Variants in MYRIP observed in about 807,000 individuals in gnomAD.
The protein encoded by MYRIP is myosin VIIA and Rab interacting protein.
Under a neutral mutation model 98.0 loss-of-function variants are expected in MYRIP, and 49 were observed. That is an observed-to-expected ratio of 0.50 (90% CI 0.40 to 0.63). MYRIP has a LOEUF of 0.63. Ranked by LOEUF, MYRIP falls within the 30% of genes least tolerant of loss-of-function variation. The probability of loss-of-function intolerance (pLI) is 0.00; values close to 1 mark genes in which losing one functional copy is unlikely to be tolerated. For synonymous variants in MYRIP, 404 were observed against 409.5 expected (o/e 0.99, Z 0.16); for missense variants, 1,004 against 1,058.2 (o/e 0.95, Z 0.71).
chr3:39,883,249 A>C (rs1943200181), intron 1 of MYRIP, among the ~76,000 whole-genome samples: 1 of 152,198 alleles, frequency 6.6e-6, no homozygotes, highest in South Asian at 2.1e-4. Flanking sequence ...GTAAGAGTGA[A>C]CTGGATGTGG....
intron 2 of MYRIP, among the ~76,000 whole-genome samples, chr3:39,965,670 A>G (rs972399410): frequency 5.9e-5 from 9 of 152,076 alleles, no homozygotes; most frequent in African/African-American, 2.2e-4. Context: ...ACCCTCAGGC[A>G]TGAACTTCCA....
chr3:40,187,353 C>T (rs2125625254), intron 9 of MYRIP, among the ~76,000 whole-genome samples: 1 of 152,302 alleles, frequency 6.6e-6, no homozygotes, highest in Non-Finnish European at 1.5e-5. Flanking sequence ...GGGATCAGCC[C>T]TGCATCTGCT....
At chr3:40,009,150 C>G (rs1323310372) in intron 2 of MYRIP, among the ~76,000 whole-genome samples, 2 of 152,048 alleles carry the variant, frequency 1.3e-5, no homozygotes, top group African/African-American at 4.8e-5. Context: ...CTGTATGGGC[C>G]AAATGTGGAG....
intron 2 of MYRIP, among the ~76,000 whole-genome samples, chr3:39,996,205 A>C (rs1325055005): frequency 6.6e-6 from 1 of 152,320 alleles, no homozygotes; most frequent in Admixed American, 6.5e-5. Context: ...ATGTAAATGG[A>C]CTAAATCCTC....
chr3:39,971,511 G>T (rs1945583613), intron 2 of MYRIP, among the ~76,000 whole-genome samples: 1 of 152,066 alleles, frequency 6.6e-6, no homozygotes, highest in African/African-American at 2.4e-5. Flanking sequence ...TAGAAAACCA[G>T]ATGGAAGCAT....
intron 1 of MYRIP, among the ~76,000 whole-genome samples, chr3:39,896,484 T>G (rs894593985): frequency 5.9e-5 from 9 of 152,182 alleles, no homozygotes; most frequent in African/African-American, 2.2e-4. Context: ...ATTATTAGTG[T>G]TGTTGTTTTT....
chr3:40,129,911 A>G (rs1363581856), intron 3 of MYRIP, among the ~76,000 whole-genome samples: 2 of 152,270 alleles, frequency 1.3e-5, no homozygotes, highest in Non-Finnish European at 2.9e-5. Context: ...TCTTCTAATG[A>G]GAATACACAT....
At chr3:39,977,863 C>T (rs1286857127) in intron 2 of MYRIP, among the ~76,000 whole-genome samples, 2 of 152,122 alleles carry the variant, frequency 1.3e-5, no homozygotes, top group Non-Finnish European at 2.9e-5. Flanking sequence ...CACCACCTTG[C>T]AATATAAGGG....
intron 2 of MYRIP, among the ~76,000 whole-genome samples, chr3:39,908,311 G>T (rs1943934113): frequency 6.6e-6 from 1 of 152,130 alleles, no homozygotes; most frequent in African/African-American, 2.4e-5. Context: ...CTTCTGGCCT[G>T]TGTTAAGGAA....
intron 2 of MYRIP, among the ~76,000 whole-genome samples, chr3:39,915,396 A>G (rs902790359): frequency 2.6e-5 from 4 of 152,036 alleles, no homozygotes; most frequent in African/African-American, 7.2e-5. Flanking sequence ...TAACAGATAA[A>G]CCTATAAAAT....
Position 39,976,687 on chromosome 3 carries a change from C to A in MYRIP, c.111-67363C>A, listed in dbSNP as rs148791134. ...TAGAGTGGATTTAGAAAATATGGCACATATACACCATGGAATACTATGCAG... is the reference window on the plus strand; with the variant it reads ...TAGAGTGGATTTAGAAAATATGGCAAATATACACCATGGAATACTATGCAG... On this transcript the variant is annotated intron_variant, in intron 2 of 16. Coordinates refer to ENST00000302541, the MANE Select transcript of MYRIP (RefSeq NM_015460.4). Among the ~76,000 whole-genome samples the A allele has an allele frequency of 5.5e-3, 841 of 152,264 alleles. 7 individuals carry two copies. Among genetic ancestry groups the A allele is most frequent in the African/African-American group, 0.019 (800 of 41,540 alleles).
chr3:40,200,851 C>A (rs1209997605), intron 10 of MYRIP, among the ~76,000 whole-genome samples: 1 of 152,222 alleles, frequency 6.6e-6, no homozygotes, highest in Non-Finnish European at 1.5e-5. Context: ...GACTCTCACA[C>A]TGGCATTAAG....
In MYRIP at chr3:40,260,111, T is replaced by C. The variant is rs546844043; in HGVS notation, c.*1945T>C. On this transcript the variant is annotated 3_prime_UTR_variant, in exon 17 of 17. Coordinates refer to ENST00000302541, the MANE Select transcript of MYRIP (RefSeq NM_015460.4). ...ATGTTATAGTTCCAGAAGAATTATT[T>C]TGTCATCAAGTGATTTTGATCTTTA... 70 of 152,794 alleles carry C rather than the reference T, an allele frequency of 4.6e-4. No homozygotes were observed. The highest frequency in any genetic ancestry group is 1.6e-3 in the African/African-American group (68 of 41,588). 9.5% of individuals were successfully genotyped at this position (152,794 alleles called of 1,614,324 possible).
intron 2 of MYRIP, among the ~76,000 whole-genome samples, chr3:39,914,171 G>A (rs901465706): frequency 7.9e-5 from 12 of 152,054 alleles, no homozygotes; most frequent in South Asian, 2.1e-4. Context: ...GGAACTTATC[G>A]CACAGGTTAC....
rs754139481 is a variant in MYRIP at position 40,244,628 on chromosome 3, C to T, written c.2262+21C>T. 2.9e-5 allele frequency: 46 copies of T among 1,598,460 alleles called. No homozygotes were observed. The Admixed American group carries it at 7.7e-4, about 27-fold the overall frequency. On this transcript the variant is annotated intron_variant, in intron 13 of 16. Coordinates refer to ENST00000302541, the MANE Select transcript of MYRIP (RefSeq NM_015460.4). ...TCCAGGTGAGAACTCTCCTCTCTGC[C>T]CACATGGGTCCTGCAGGGTGAAACA... is the stretch of plus-strand genomic sequence containing the variant.
rs117841298 is a variant in MYRIP, at chr3:39,967,458, G to A, written c.110+66532G>A. 5.5e-4 allele frequency among the ~76,000 whole-genome samples: 83 copies of A among 152,260 alleles called. No individual in the cohort carries two copies. In the East Asian group the frequency reaches 0.013, roughly 24 times the overall value. ...CTGTATATTATTTCATGGTACATATGTACCATATTTTCTTTATCCAGCCTG... is the reference window on the plus strand; with the variant it reads ...CTGTATATTATTTCATGGTACATATATACCATATTTTCTTTATCCAGCCTG... On this transcript the variant is annotated intron_variant, in intron 2 of 16. Transcript: ENST00000302541.
intron 2 of MYRIP, among the ~76,000 whole-genome samples, chr3:39,976,272 C>T (rs868449369): frequency 8.2e-4 from 125 of 152,302 alleles, no homozygotes; most frequent in African/African-American, 3.0e-3. Flanking sequence ...GACATTTATG[C>T]AGCCAAAAGA....
rs1943188035 is a variant in MYRIP, at chr3:39,882,831, AAT to A, written c.-30-17955_-30-17954del. Among the ~76,000 whole-genome samples the A allele has an allele frequency of 4.6e-5, 7 of 152,138 alleles. 1 individual carries two copies. The South Asian group carries it at 1.4e-3, about 31-fold the overall frequency. ...CAGGGTTGGACAATCCAAGGACCAT[AAT>A]CATATAACCCTCCCCACTGCACCTG... On this transcript the variant is annotated intron_variant, in intron 1 of 16. Transcript: ENST00000302541.
chr3:40,216,471 C>T (rs1952121650), intron 11 of MYRIP, among the ~76,000 whole-genome samples: 1 of 152,150 alleles, frequency 6.6e-6, no homozygotes, highest in South Asian at 2.1e-4. Flanking sequence ...AACATGTACA[C>T]CCGTTTCTCC....
Sources: gnomAD v4.1 joint callset for allele counts (sites outside exome capture counted in the v4.1 genomes callset) on GRCh38, gnomAD v4.1.1 for gene constraint, MANE v1.5 for transcripts, NCBI Gene and HGNC (gene_info 2026-07-23, HGNC 2026-07-21) for gene names.